The following TCF7L1 variants were observed in gnomAD, a reference collection of about 807,000 sequenced individuals.
TCF7L1 encodes the protein transcription factor 7-like 1.
A neutral mutation model predicts 63.7 loss-of-function variants in TCF7L1; 18 were observed. The ratio of observed to expected loss-of-function variants is 0.28; its 90% CI spans 0.20 to 0.42. TCF7L1 has a LOEUF of 0.42. Ranked by LOEUF, TCF7L1 falls within the 10% of genes least tolerant of loss-of-function variation. TCF7L1 has a pLI of 1.00. For synonymous variants in TCF7L1, 355 were observed against 340.9 expected (o/e 1.04, Z -0.46); for missense variants, 654 against 779.3 (o/e 0.84, Z 1.91).
At chr2:85,147,441 G>A (rs1677907055) in intron 3 of TCF7L1, among the ~76,000 whole-genome samples, 1 of 152,070 alleles carries the variant, frequency 6.6e-6, no homozygotes, top group African/African-American at 2.4e-5. Context: ...CCAAACCCCA[G>A]CACCTCCTAG....
chr2:85,262,024 C>A (rs771293202), intron 3 of TCF7L1: 27 of 523,746 alleles, frequency 5.2e-5, no homozygotes, highest in Non-Finnish European at 1.0e-4. Flanking sequence ...CAATTTCTCA[C>A]TTCATTGATC....
chr2:85,194,021 A>G lies in TCF7L1; in HGVS notation c.441+59571A>G, dbSNP rs548397579. Among the ~76,000 whole-genome samples, 70 of 151,726 alleles carry G rather than the reference A, an allele frequency of 4.6e-4. 1 individual carries two copies. Among genetic ancestry groups the G allele is most frequent in the Admixed American group, 4.0e-3 (61 of 15,230 alleles). On this transcript the variant is annotated intron_variant, in intron 3 of 11. Coordinates refer to ENST00000282111, the MANE Select transcript of TCF7L1 (RefSeq NM_031283.3). ...AGGTGGTAGGAGGGTTAGTGTGAAA[A>G]GATGGGAGAGGGGCTATGGGATGGA...
intron 3 of TCF7L1, among the ~76,000 whole-genome samples, chr2:85,282,485 G>A (rs1038987618): frequency 6.6e-6 from 1 of 152,202 alleles, no homozygotes; most frequent in African/African-American, 2.4e-5. Context: ...GAAATAATAG[G>A]CGTCATTTAT....
intron 3 of TCF7L1, among the ~76,000 whole-genome samples, chr2:85,145,662 C>T (rs1677864506): frequency 6.6e-6 from 1 of 152,144 alleles, no homozygotes; most frequent in Admixed American, 6.6e-5. Context: ...TCCCGCCCAC[C>T]CAACAGGTGA....
At chr2:85,201,997 C>T (rs1679282351) in intron 3 of TCF7L1, among the ~76,000 whole-genome samples, 1 of 151,978 alleles carries the variant, frequency 6.6e-6, no homozygotes, top group Non-Finnish European at 1.5e-5. Context: ...TGGAGTCTCA[C>T]TGTCACCCAG....
intron 3 of TCF7L1, among the ~76,000 whole-genome samples, chr2:85,192,337 A>T (rs1679051950): frequency 6.6e-6 from 1 of 152,200 alleles, no homozygotes; most frequent in South Asian, 2.1e-4. Context: ...TAGCAGTGAA[A>T]ACAGTATGTA....
At chr2:85,271,318 G>A (rs1411182240) in intron 3 of TCF7L1, among the ~76,000 whole-genome samples, 1 of 152,092 alleles carries the variant, frequency 6.6e-6, no homozygotes, top group East Asian at 1.9e-4. Context: ...TTGCCATATT[G>A]GCCATGCTGG....
At chr2:85,277,762 G>T (rs1573022120) in intron 3 of TCF7L1, among the ~76,000 whole-genome samples, 2 of 152,362 alleles carry the variant, frequency 1.3e-5, no homozygotes, top group South Asian at 2.1e-4. Context: ...GCATGCAACT[G>T]TGGGGAGCTG....
chr2:85,134,535 TG>T lies in TCF7L1; in HGVS notation c.441+89del. On this transcript the variant is annotated intron_variant, in intron 3 of 11. Transcript: ENST00000282111. The surrounding 1 kb of genome is among the most constrained non-coding windows in gnomAD (Gnocchi z 5.0). ...CCGGGCTTGGCCATGGAGTGGGGGA[TG>T]GGGCCTTCTGCGCCGATCCCAAGCA... is the stretch of plus-strand genomic sequence containing the variant. The T allele has an allele frequency of 6.8e-7, 1 of 1,469,056 alleles. No individual in the cohort carries two copies. The highest frequency in any genetic ancestry group is 9.1e-7 in the Non-Finnish European group (1 of 1,104,868). The allele number at this position is 1,469,056 out of a possible 1,614,324, so 91.0% of individuals were successfully genotyped here. A position where few individuals can be genotyped will look rare whatever the true frequency, so the allele number is the denominator to read the frequency against.
rs569088598 is a variant in TCF7L1, at chr2:85,193,342, T to C, written c.441+58892T>C. On this transcript the variant is annotated intron_variant, in intron 3 of 11. Coordinates refer to ENST00000282111, the MANE Select transcript of TCF7L1 (RefSeq NM_031283.3). ...AGTTTAAACTAAGTGATATTTAGTC[T>C]GGGTGGGATACTGATCATGCATTTT... Among the ~76,000 whole-genome samples, 3 of 152,288 alleles carry C rather than the reference T, an allele frequency of 2.0e-5. No individual in the cohort carries two copies. In the South Asian group the frequency reaches 6.2e-4, roughly 32 times the overall value.
rs562955463 is a variant in TCF7L1, at chr2:85,295,279, G to T, written c.526-7205G>T. 2.0e-5 allele frequency among the ~76,000 whole-genome samples: 3 copies of T among 152,190 alleles called. No homozygotes were observed. The South Asian group carries it at 6.2e-4, about 32-fold the overall frequency. ...TGCAATGACGCGATCTTGGCTCACCGCAACCTTTGCCTCCCAGGTTCAAGC... is the reference window on the plus strand; with the variant it reads ...TGCAATGACGCGATCTTGGCTCACCTCAACCTTTGCCTCCCAGGTTCAAGC... On this transcript the variant is annotated intron_variant, in intron 4 of 11. Transcript: ENST00000282111.
chr2:85,307,674 G>C lies in TCF7L1; in HGVS notation c.1290G>C (p.Gln430His), dbSNP rs755112703. 6.2e-7 allele frequency: 1 copy of C among 1,613,836 alleles called. No homozygotes were observed. The highest frequency in any genetic ancestry group is 2.2e-5 in the East Asian group (1 of 44,874). Residue 430 changes from glutamine (Q) to histidine (H), a missense_variant, in exon 11 of 12, where the codon CAG becomes CAC. This residue lies in a region of TCF7L1 where 184 missense variants were observed against 204.0 expected (regional missense o/e 0.90). Transcript: ENST00000282111. ...AAAAGAAGAGGAAGAGAGAAAAGCA[G>C]CTGTCCCAGACACAGTCACAGCAGC... ...GKKKKRKREK[Q>H]LSQTQSQQQV...
intron 3 of TCF7L1, among the ~76,000 whole-genome samples, chr2:85,178,917 G>A (rs1002042459): frequency 3.9e-5 from 6 of 152,178 alleles, no homozygotes; most frequent in Non-Finnish European, 8.8e-5. Context: ...TCAAAGGGAA[G>A]TGGAGTTTAG....
chr2:85,145,163 G>A (rs146063575), intron 3 of TCF7L1, among the ~76,000 whole-genome samples: 130 of 152,228 alleles, frequency 8.5e-4, no homozygotes, highest in Non-Finnish European at 1.5e-3. Flanking sequence ...AACAAAGGGG[G>A]CTTATGATAT....
intron 3 of TCF7L1, among the ~76,000 whole-genome samples, chr2:85,257,231 C>T (rs1318396981): frequency 6.6e-6 from 1 of 152,084 alleles, no homozygotes; most frequent in Non-Finnish European, 1.5e-5. Flanking sequence ...CATTGAGCCG[C>T]ACACGAGATT....
chr2:85,307,090 C>T (rs1395656069), intron 10 of TCF7L1, among the ~76,000 whole-genome samples: 2 of 152,136 alleles, frequency 1.3e-5, no homozygotes, highest in African/African-American at 2.4e-5. Context: ...GATGCATTTC[C>T]CTTTGAACTG....
chr2:85,200,803 G>C (rs1242094476), intron 3 of TCF7L1, among the ~76,000 whole-genome samples: 1 of 152,134 alleles, frequency 6.6e-6, no homozygotes, highest in Non-Finnish European at 1.5e-5. Flanking sequence ...GAGATCACTA[G>C]CATCTAGCTG....
At chr2:85,150,689 T>A (rs1677989960) in intron 3 of TCF7L1, among the ~76,000 whole-genome samples, 1 of 152,198 alleles carries the variant, frequency 6.6e-6, no homozygotes, top group African/African-American at 2.4e-5. Flanking sequence ...GAACGTTATC[T>A]ATTTTTCCCA....
intron 4 of TCF7L1, among the ~76,000 whole-genome samples, chr2:85,296,818 A>G (rs1009499582): frequency 6.6e-6 from 1 of 152,140 alleles, no homozygotes; most frequent in African/African-American, 2.4e-5. Context: ...AGATACAGAG[A>G]AAAAAAATTA....
Sources: gnomAD v4.1 joint callset for allele counts (sites outside exome capture counted in the v4.1 genomes callset) on GRCh38, gnomAD v4.1.1 for gene constraint, gnomAD v4.1.1 regional missense constraint, Gnocchi (gnomAD v3.1) non-coding constraint, MANE v1.5 for transcripts, NCBI Gene and HGNC (gene_info 2026-07-23, HGNC 2026-07-21) for gene names.